Variants in LRMDA observed in about 807,000 individuals in gnomAD.
The protein encoded by LRMDA is leucine rich melanocyte differentiation associated.
In LRMDA, 18 loss-of-function variants were observed where a neutral mutation model predicts 29.8. That is an observed-to-expected ratio of 0.60 (90% CI 0.42 to 0.90). The LOEUF (loss-of-function observed/expected upper bound fraction) is 0.90. Among genes scored for constraint, LRMDA ranks in the 40% least tolerant of loss-of-function variants. The pLI is 0.00. For synonymous variants in LRMDA, 125 were observed against 109.4 expected, an observed-to-expected ratio of 1.14 and a Z score of -0.89; for missense variants, 273 against 273.9, an observed-to-expected ratio of 1.00 and a Z score of 0.02.
chr10:76,271,750 C>A (rs1328042757), intron 5 of LRMDA, among the ~76,000 whole-genome samples: 1 of 152,068 alleles, frequency 6.6e-6, no homozygotes, highest in African/African-American at 2.4e-5. Flanking sequence ...CTGCTTTTAC[C>A]CCAAGACTTA....
intron 2 of LRMDA, among the ~76,000 whole-genome samples, chr10:75,859,978 A>C (rs962656380): frequency 6.6e-6 from 1 of 152,188 alleles, no homozygotes; most frequent in Non-Finnish European, 1.5e-5. Flanking sequence ...CATTCGACCC[A>C]ACACCATTTG....
At chr10:76,521,134 T>C (rs1379760395) in intron 6 of LRMDA, among the ~76,000 whole-genome samples, 1 of 5,290 alleles carries the variant, frequency 1.9e-4, no homozygotes, top group African/African-American at 3.8e-4. Context: ...TTATTACCAT[T>C]TTTTTTTTTT....
intron 6 of LRMDA, among the ~76,000 whole-genome samples, chr10:76,378,459 G>C (rs1841547578): frequency 6.6e-6 from 1 of 152,118 alleles, no homozygotes; most frequent in Non-Finnish European, 1.5e-5. Flanking sequence ...TTTAGTCCCA[G>C]TTCTTAGGGG....
intron 6 of LRMDA, among the ~76,000 whole-genome samples, chr10:76,427,574 T>C (rs535585000): frequency 6.6e-6 from 1 of 152,318 alleles, no homozygotes; most frequent in African/African-American, 2.4e-5. Flanking sequence ...CTTCCTCTTT[T>C]CCTAATTGAA....
intron 6 of LRMDA, among the ~76,000 whole-genome samples, chr10:76,395,529 C>A (rs749127): frequency 6.6e-6 from 1 of 152,136 alleles, no homozygotes; most frequent in Non-Finnish European, 1.5e-5. Flanking sequence ...TGACAGTAGT[C>A]ACTGATGAGC....
intron 2 of LRMDA, among the ~76,000 whole-genome samples, chr10:75,444,976 T>G (rs1432749328): frequency 6.6e-6 from 1 of 152,228 alleles, no homozygotes; most frequent in Admixed American, 6.5e-5. Flanking sequence ...CAGGCTGGAA[T>G]GCAGTGGAAC....
At chr10:75,916,311 A>G (rs143044483) in intron 2 of LRMDA, among the ~76,000 whole-genome samples, 35 of 152,260 alleles carry the variant, frequency 2.3e-4, no homozygotes, top group African/African-American at 6.7e-4. Context: ...CAGGCAGGAC[A>G]TGCAGTGCCT....
intron 2 of LRMDA, among the ~76,000 whole-genome samples, chr10:75,614,112 G>A (rs1589135635): frequency 6.6e-6 from 1 of 152,046 alleles, no homozygotes; most frequent in African/African-American, 2.4e-5. Flanking sequence ...CCATTTTCTT[G>A]TTCACCCTAT....
At chr10:76,488,103 C>T (rs1842799856) in intron 6 of LRMDA, among the ~76,000 whole-genome samples, 1 of 151,702 alleles carries the variant, frequency 6.6e-6, no homozygotes, top group Non-Finnish European at 1.5e-5. Flanking sequence ...GTTTTCTAAA[C>T]TTTCACTTAT....
intron 6 of LRMDA, among the ~76,000 whole-genome samples, chr10:76,435,463 G>A (rs2132286808): frequency 6.6e-6 from 1 of 152,328 alleles, no homozygotes; most frequent in Admixed American, 6.5e-5. Context: ...TCCCTCTGTG[G>A]AGGGGACTGA....
intron 2 of LRMDA, among the ~76,000 whole-genome samples, chr10:75,946,835 TAGG>T (rs1846484452): frequency 6.6e-6 from 1 of 152,134 alleles, no homozygotes; most frequent in South Asian, 2.1e-4. Context: ...GGTCCACTCT[TAGG>T]AGAAGATCTT....
rs550694585 is a variant in LRMDA, at chr10:76,479,089, T to C, written c.602-78120T>C. On this transcript the variant is annotated intron_variant, in intron 6 of 6. Transcript: ENST00000611255. Reference sequence around the variant, plus strand: ...ATAAAAAAAGATCACAAACTAAATATTGAGCTTATAAAATAAATTAGAATG... The same window carrying C: ...ATAAAAAAAGATCACAAACTAAATACTGAGCTTATAAAATAAATTAGAATG... Among the ~76,000 whole-genome samples the C allele has an allele frequency of 2.0e-5, 3 of 151,454 alleles. No individual in the cohort carries two copies. The East Asian group carries it at 5.9e-4, about 30-fold the overall frequency.
At chr10:76,309,883 G>A (rs1262807236) in intron 5 of LRMDA, among the ~76,000 whole-genome samples, 4 of 152,094 alleles carry the variant, frequency 2.6e-5, no homozygotes, top group African/African-American at 9.7e-5. Context: ...TACCCTTCTG[G>A]TTCAAGTCTG....
At chr10:76,270,282 G>T (rs1840051504) in intron 5 of LRMDA, 1 of 152,252 alleles carries the variant, frequency 6.6e-6, no homozygotes, top group African/African-American at 2.4e-5. Flanking sequence ...TCACTAGGAT[G>T]CCAACAAAGG....
chr10:75,875,440 CTTTTT>C (rs937717180), intron 2 of LRMDA, among the ~76,000 whole-genome samples: 1 of 149,058 alleles, frequency 6.7e-6, no homozygotes, highest in African/African-American at 2.5e-5. Context: ...TTTTCTTTTT[CTTTTT>C]TTTTTGAGAC....
At chr10:75,624,014 A>G (rs1841219439) in intron 2 of LRMDA, among the ~76,000 whole-genome samples, 1 of 152,212 alleles carries the variant, frequency 6.6e-6, no homozygotes, top group African/African-American at 2.4e-5. Context: ...GATCGGGAAT[A>G]TACGGAGCAA....
At position 76,144,356 on chromosome 10, in the gene LRMDA, C is replaced by G. The variant is rs557290424; in HGVS notation, c.516+85573C>G. Among the ~76,000 whole-genome samples the G allele has an allele frequency of 2.9e-3, 441 of 152,300 alleles. 2 individuals are homozygous for G. The highest frequency in any genetic ancestry group is 5.0e-3 in the Non-Finnish European group (338 of 68,026). On this transcript the variant is annotated intron_variant, in intron 5 of 6. Coordinates refer to ENST00000611255, the MANE Select transcript of LRMDA (RefSeq NM_001305581.2). ...ATGTTCTTCCATTTGTTTGTATCCT[C>G]TTTTATTTCCTTGAGCAGTGGTTTG... is the stretch of plus-strand genomic sequence containing the variant.
chr10:76,133,267 CGT>C lies in LRMDA; in HGVS notation c.516+74501_516+74502del, dbSNP rs3042574. Among the ~76,000 whole-genome samples, 44 of 150,776 alleles carry C rather than the reference CGT, an allele frequency of 2.9e-4. No homozygotes were observed. In the East Asian group the frequency reaches 3.7e-3, roughly 13 times the overall value. On this transcript the variant is annotated intron_variant, in intron 5 of 6. Transcript: ENST00000611255. ...ATATGAGGCTGGATTATATTTATTT[CGT>C]GTGTGTGTGTGTGTGTAAATTTTCT...
At chr10:76,413,167 GC>G (rs1332206228) in intron 6 of LRMDA, among the ~76,000 whole-genome samples, 1 of 151,884 alleles carries the variant, frequency 6.6e-6, no homozygotes, top group Non-Finnish European at 1.5e-5. Flanking sequence ...CTGTCTTTGA[GC>G]CCTTTCTTTC....
Sources: gnomAD v4.1 joint callset for allele counts (sites outside exome capture counted in the v4.1 genomes callset) on GRCh38, gnomAD v4.1.1 for gene constraint, MANE v1.5 for transcripts, NCBI Gene and HGNC (gene_info 2026-07-23, HGNC 2026-07-21) for gene names.